TRIM13: variants seen among roughly 807,000 people sequenced by gnomAD.
The protein encoded by TRIM13 is tripartite motif containing 13.
In TRIM13, 15 loss-of-function variants were observed where a neutral mutation model predicts 27.1. The observed-to-expected ratio is 0.55, with a 90% confidence interval of 0.37 to 0.85. The LOEUF (loss-of-function observed/expected upper bound fraction) is 0.85. Ranked by LOEUF, TRIM13 falls within the 40% of genes least tolerant of loss-of-function variation. The pLI is 0.00. For missense variants in TRIM13, 402 were observed against 472.2 expected (o/e 0.85, Z 1.38); for synonymous variants, 193 against 171.5 (o/e 1.13, Z -0.98).
At chr13:50,006,418 C>T (rs1222126978) in intron 1 of TRIM13, among the ~76,000 whole-genome samples, 2 of 152,062 alleles carry the variant, frequency 1.3e-5, no homozygotes, top group African/African-American at 4.8e-5. Context: ...ATTTAATATG[C>T]TTGGATAGTA....
At chr13:50,005,862 C>T (rs768550956) in intron 1 of TRIM13, among the ~76,000 whole-genome samples, 1 of 150,802 alleles carries the variant, frequency 6.6e-6, no homozygotes, top group Non-Finnish European at 1.5e-5. Context: ...GGATTACAGG[C>T]ATGCGCCACC....
chr13:50,007,799 G>T (rs1471113292), intron 1 of TRIM13, among the ~76,000 whole-genome samples: 1 of 131,002 alleles, frequency 7.6e-6, no homozygotes. Flanking sequence ...AAAAAAAAAA[G>T]CCATAAACTA....
Position 50,012,054 on chromosome 13 carries a change from A to T in TRIM13, c.114A>T (p.Leu38Phe). The part of the protein sequence containing the change: ...NFCKKCLEGI[L>F]EGSVRNSLWR... ...GCAAAAAATGCTTAGAAGGTATCTT[A>T]GAAGGGAGTGTGCGGAATTCCTTGT... is the stretch of plus-strand genomic sequence containing the variant. Residue 38 changes from leucine (L) to phenylalanine (F), a missense_variant, in exon 2 of 2, where the codon TTA (leucine) becomes TTT (phenylalanine). Physicochemically the swap from Leu to Phe is conservative, Grantham distance 22. Transcript: ENST00000378182. 3.1e-6 allele frequency: 5 copies of T among 1,614,140 alleles called. No individual in the cohort carries two copies. Among genetic ancestry groups the T allele is most frequent in the Non-Finnish European group, 4.2e-6 (5 of 1,180,000 alleles).
Position 50,016,165 on chromosome 13 carries a change from G to T in TRIM13, c.*3001G>T. On this transcript the variant is annotated 3_prime_UTR_variant, in exon 2 of 2. Coordinates refer to ENST00000378182, the MANE Select transcript of TRIM13 (RefSeq NM_213590.3). ...CCTCAGGCCTGTAACTTCTGGAAAA[G>T]ATGATTATTCAAAATAATGTTTTGG... 1.2e-6 allele frequency: 1 copy of T among 844,468 alleles called. No individual in the cohort carries two copies. Among genetic ancestry groups the T allele is most frequent in the South Asian group, 1.8e-5 (1 of 56,130 alleles). 52.3% of individuals were successfully genotyped at this position (844,468 alleles called of 1,614,324 possible).
rs527617884 is a variant in TRIM13, at chr13:50,014,575, A to G, written c.*1411A>G. The G allele has an allele frequency of 3.6e-5, 6 of 166,872 alleles. No individual in the cohort carries two copies. The South Asian group carries it at 1.2e-3, about 35-fold the overall frequency. 10.3% of individuals were successfully genotyped at this position (166,872 alleles called of 1,614,324 possible). On this transcript the variant is annotated 3_prime_UTR_variant, in exon 2 of 2. Transcript: ENST00000378182. The stretch of plus-strand genomic sequence containing the variant: ...AGACTAATTTGACAACAGATAAAAC[A>G]GTCTGTCAGCTATTACAAAGTAATC...
Position 50,015,334 on chromosome 13 carries a change from A to G in TRIM13, c.*2170A>G, listed in dbSNP as rs2138441434. On this transcript the variant is annotated 3_prime_UTR_variant, in exon 2 of 2. Transcript: ENST00000378182. ...AATTTGCAAACACAGCCATGGATAC[A>G]CTATTTACCTTACAGTAGTTTCCTG... 4.9e-6 allele frequency: 3 copies of G among 612,300 alleles called. No individual in the cohort carries two copies. The highest frequency in any genetic ancestry group is 3.4e-5 in the Admixed American group (1 of 29,760). 37.9% of individuals were successfully genotyped at this position (612,300 alleles called of 1,614,324 possible). A position where few individuals can be genotyped will look rare whatever the true frequency, so the allele number is the denominator to read the frequency against.
intron 1 of TRIM13, among the ~76,000 whole-genome samples, chr13:50,004,736 C>T (rs904351722): frequency 5.4e-5 from 8 of 149,162 alleles, no homozygotes; most frequent in East Asian, 2.0e-4. Flanking sequence ...GCCAAGATGG[C>T]GCCACTGCAC....
chr13:50,014,044 A>G lies in TRIM13; in HGVS notation c.*880A>G, dbSNP rs571272368. On this transcript the variant is annotated 3_prime_UTR_variant, in exon 2 of 2. Coordinates refer to ENST00000378182, the MANE Select transcript of TRIM13 (RefSeq NM_213590.3). ...ATACAAAACCTGGCATTTTCTTGTG[A>G]TAAGTTTACATTTTTAGGAGAGTGG... 7.2e-5 allele frequency: 12 copies of G among 166,892 alleles called. No individual in the cohort carries two copies. Among genetic ancestry groups the G allele is most frequent in the African/African-American group, 2.7e-4 (11 of 41,460 alleles). The allele number at this position is 166,892 out of a possible 1,614,324, so 10.3% of individuals were successfully genotyped here.
Position 50,013,058 on chromosome 13 carries a change from A to G in TRIM13, c.1118A>G (p.Glu373Gly), listed in dbSNP as rs1409332770. The change falls in exon 2 of 2, where the codon GAA (glutamate) becomes GGA (glycine). Residue 373 changes from glutamate to glycine, a missense_variant. Around this residue, in one of 2 missense-constraint regions of TRIM13, gnomAD observed 200 missense variants for 194.7 expected, o/e 1.03. Transcript: ENST00000378182. ...ATAGAACAATCAGTTTTTTACTGGG[A>G]ACAGGTGACAGATGGGTTTTTCATT... ...DFIEQSVFYW[E>G]QVTDGFFIFN... 1 of 1,614,010 alleles carries G rather than the reference A, an allele frequency of 6.2e-7. No homozygotes were observed. Among genetic ancestry groups the G allele is most frequent in the Non-Finnish European group, 8.5e-7 (1 of 1,179,970 alleles).
Position 50,015,883 on chromosome 13 carries a change from C to CA in TRIM13, c.*2723dup, listed in dbSNP as rs780873281. ...TTTTCAGGGTGTTTGGCTCTTGCAGCAAAACAATTGAGATGCTAACAGGGA... is the reference window on the plus strand; with the variant it reads ...TTTTCAGGGTGTTTGGCTCTTGCAGCAAAAACAATTGAGATGCTAACAGGGA... On this transcript the variant is annotated 3_prime_UTR_variant, in exon 2 of 2. Transcript: ENST00000378182. 90 of 1,614,014 alleles carry CA rather than the reference C, an allele frequency of 5.6e-5. No individual in the cohort carries two copies. The Middle Eastern group carries it at 8.2e-4, about 15-fold the overall frequency.
At position 50,016,007 on chromosome 13, in the gene TRIM13, T is replaced by TC; in HGVS notation, c.*2844dup. 1 of 1,614,098 alleles carries TC rather than the reference T, an allele frequency of 6.2e-7. No individual in the cohort carries two copies. On this transcript the variant is annotated 3_prime_UTR_variant, in exon 2 of 2. Transcript: ENST00000378182. The stretch of plus-strand genomic sequence containing the variant: ...ACTTCCACTGCCTCCACAAAGACCT[T>TC]CTTACCATGACCTGGTTTTCCAGTG...
At position 49,997,087 on chromosome 13, in the gene TRIM13, T is replaced by C. The variant is rs1040380599; in HGVS notation, c.-683T>C. 6.0e-5 allele frequency: 9 copies of C among 150,582 alleles called. No homozygotes were observed. The highest frequency in any genetic ancestry group is 1.3e-4 in the Non-Finnish European group (9 of 67,818). The allele number at this position is 150,582 out of a possible 1,614,324, so 9.3% of individuals were successfully genotyped here. A position where few individuals can be genotyped will look rare whatever the true frequency, so the allele number is the denominator to read the frequency against. On this transcript the variant is annotated 5_prime_UTR_variant, in exon 1 of 2. Transcript: ENST00000378182. ...CTTGGCGCGTACCGTGCGGTCCCTG[T>C]AGTTGGAGGACGGGCGGTCGCGCGG...
intron 1 of TRIM13, among the ~76,000 whole-genome samples, chr13:49,998,885 G>A (rs967126472): frequency 3.4e-5 from 5 of 149,108 alleles, no homozygotes; most frequent in South Asian, 2.1e-4. Context: ...AGCCAAGATC[G>A]CGCCACTGCA....
At chr13:50,006,930 C>T (rs1037374272) in intron 1 of TRIM13, among the ~76,000 whole-genome samples, 17 of 152,174 alleles carry the variant, frequency 1.1e-4, no homozygotes, top group African/African-American at 4.1e-4. Context: ...CCTGTAATCC[C>T]AGCACTCTGG....
rs201280640 is a variant in TRIM13, at chr13:50,014,358, T to C, written c.*1194T>C. ...AAAAAAAAAAAAATATATATATATA[T>C]ATACACACACACACACACATATGTA... On this transcript the variant is annotated 3_prime_UTR_variant, in exon 2 of 2. Coordinates refer to ENST00000378182, the MANE Select transcript of TRIM13 (RefSeq NM_213590.3). The C allele has an allele frequency of 1.5e-5, 1 of 65,742 alleles. No homozygotes were observed. The highest frequency in any genetic ancestry group is 5.7e-5 in the African/African-American group (1 of 17,428). The allele number at this position is 65,742 out of a possible 1,614,324, so 4.1% of individuals were successfully genotyped here. A position where few individuals can be genotyped will look rare whatever the true frequency, so the allele number is the denominator to read the frequency against.
chr13:50,002,460 T>G (rs1373239965), intron 1 of TRIM13, among the ~76,000 whole-genome samples: 1 of 152,198 alleles, frequency 6.6e-6, no homozygotes, highest in African/African-American at 2.4e-5. Flanking sequence ...TAGCTAATGT[T>G]TTCAAAGTTT....
intron 1 of TRIM13, among the ~76,000 whole-genome samples, chr13:49,998,942 A>G (rs1422863974): frequency 6.7e-6 from 1 of 149,056 alleles, no homozygotes; most frequent in Non-Finnish European, 1.5e-5. Context: ...AAAAAAAAAA[A>G]GCCCCCAAAC....
At chr13:50,003,002 A>G (rs778455450) in intron 1 of TRIM13, among the ~76,000 whole-genome samples, 2 of 152,180 alleles carry the variant, frequency 1.3e-5, no homozygotes, top group Non-Finnish European at 2.9e-5. Flanking sequence ...GCAGTGGCTC[A>G]TGCCTGTAGT....
At position 50,012,465 on chromosome 13, in the gene TRIM13, G is replaced by GA; in HGVS notation, c.526dup (p.Thr176AsnfsTer2). 1 of 1,613,904 alleles carries GA rather than the reference G, an allele frequency of 6.2e-7. No individual in the cohort carries two copies. Among genetic ancestry groups the GA allele is most frequent in the Non-Finnish European group, 8.5e-7 (1 of 1,179,958 alleles). On this transcript the variant is annotated frameshift_variant, in exon 2 of 2. Transcript: ENST00000378182. LOFTEE classifies it high-confidence loss of function. ...GTAAGAGGAAATCCCTACAGTTACT[G>GA]ACTAAAGATTCAGATAAAGTGAAGG...
Sources: allele counts gnomAD v4.1 joint callset (sites outside exome capture counted in the v4.1 genomes callset), GRCh38; gene constraint gnomAD v4.1.1; regional missense constraint gnomAD v4.1.1; transcripts MANE v1.5; gene names NCBI Gene and HGNC (gene_info 2026-07-23, HGNC 2026-07-21).